The following ARHGAP10 variants were observed in gnomAD, a reference collection of about 807,000 sequenced individuals.
ARHGAP10 encodes the protein Rho GTPase activating protein 10.
In ARHGAP10, 87 loss-of-function variants were observed where a neutral mutation model predicts 108.6. That is an observed-to-expected ratio of 0.80 (90% CI 0.67 to 0.96). The LOEUF is 0.96. Among genes scored for constraint, ARHGAP10 ranks in the 40% least tolerant of loss-of-function variants. The probability of loss-of-function intolerance (pLI) is 0.00; values close to 1 mark genes in which losing one functional copy is unlikely to be tolerated. For synonymous variants in ARHGAP10, 347 were observed against 341.1 expected, an observed-to-expected ratio of 1.02 and a Z score of -0.19; for missense variants, 939 against 954.5, an observed-to-expected ratio of 0.98 and a Z score of 0.21.
chr4:147,748,308 G>T (rs771712801), intron 1 of ARHGAP10, among the ~76,000 whole-genome samples: 4 of 152,198 alleles, frequency 2.6e-5, no homozygotes, highest in Non-Finnish European at 4.4e-5. Flanking sequence ...GTGCCTACCA[G>T]TCGGGTGAAG....
At chr4:147,953,879 AATAT>A (rs1738697496) in intron 15 of ARHGAP10, among the ~76,000 whole-genome samples, 2 of 151,712 alleles carry the variant, frequency 1.3e-5, no homozygotes, top group South Asian at 4.2e-4. Context: ...CTTCTTTTTT[AATAT>A]AGGTGTTTAG....
chr4:147,976,635 T>C (rs1006668897), intron 18 of ARHGAP10, among the ~76,000 whole-genome samples: 22 of 151,822 alleles, frequency 1.4e-4, no homozygotes, highest in African/African-American at 3.9e-4. Flanking sequence ...TCTGTCTTCC[T>C]TTCTCTTTCC....
intron 19 of ARHGAP10, among the ~76,000 whole-genome samples, chr4:148,037,127 G>C (rs1578813245): frequency 6.6e-6 from 1 of 152,152 alleles, no homozygotes; most frequent in Non-Finnish European, 1.5e-5. Context: ...ATAATTATTG[G>C]AGTACTAGTG....
chr4:147,818,799 A>C (rs568012474), intron 1 of ARHGAP10, among the ~76,000 whole-genome samples: 1 of 152,180 alleles, frequency 6.6e-6, no homozygotes, highest in African/African-American at 2.4e-5. Flanking sequence ...TATGAACTGC[A>C]TGGGAAAATA....
intron 10 of ARHGAP10, among the ~76,000 whole-genome samples, chr4:147,903,192 A>G (rs1279926455): frequency 6.6e-6 from 1 of 152,164 alleles, no homozygotes; most frequent in Non-Finnish European, 1.5e-5. Flanking sequence ...CAGCAGGCTC[A>G]TGGCGCCAGT....
At chr4:147,812,956 A>G (rs1489756672) in intron 1 of ARHGAP10, among the ~76,000 whole-genome samples, 3 of 152,220 alleles carry the variant, frequency 2.0e-5, no homozygotes, top group African/African-American at 7.2e-5. Flanking sequence ...AATAAATATT[A>G]GATGGTTATT....
At chr4:147,808,769 C>A (rs898921331) in intron 1 of ARHGAP10, among the ~76,000 whole-genome samples, 8 of 152,170 alleles carry the variant, frequency 5.3e-5, no homozygotes, top group African/African-American at 1.9e-4. Flanking sequence ...TCTGGGCCCC[C>A]TCTGGTTCTG....
intron 13 of ARHGAP10, among the ~76,000 whole-genome samples, chr4:147,935,802 C>T (rs2635256): frequency 1.4e-4 from 22 of 152,122 alleles, no homozygotes; most frequent in Admixed American, 5.9e-4. Context: ...ATTTTACGTG[C>T]GATTTCCAAG....
chr4:147,888,352 AAAAG>A (rs1430381961), intron 10 of ARHGAP10, among the ~76,000 whole-genome samples: 7 of 152,166 alleles, frequency 4.6e-5, no homozygotes, highest in African/African-American at 1.4e-4. Context: ...TGGGGTGTCT[AAAAG>A]GCATTTCAAA....
chr4:147,840,005 T>C (rs1733346928), intron 3 of ARHGAP10, among the ~76,000 whole-genome samples: 1 of 152,200 alleles, frequency 6.6e-6, no homozygotes, highest in African/African-American at 2.4e-5. Context: ...AGCATGGAAA[T>C]GTACTTTGTA....
intron 16 of ARHGAP10, among the ~76,000 whole-genome samples, chr4:147,964,782 A>G (rs1578739094): frequency 2.0e-5 from 3 of 152,170 alleles, no homozygotes; most frequent in Admixed American, 6.5e-5. Context: ...AGGAAAAGGC[A>G]CCGATTGCAG....
chr4:147,755,192 G>A (rs1192185728), intron 1 of ARHGAP10, among the ~76,000 whole-genome samples: 1 of 151,964 alleles, frequency 6.6e-6, no homozygotes, highest in East Asian at 1.9e-4. Flanking sequence ...TGTAACATTT[G>A]AAGTTTTTGT....
intron 19 of ARHGAP10, among the ~76,000 whole-genome samples, chr4:148,042,267 T>C (rs963083040): frequency 1.3e-5 from 2 of 152,222 alleles, no homozygotes; most frequent in Admixed American, 6.5e-5. Context: ...CTAATGACTG[T>C]CATAACTGAA....
chr4:147,897,152 T>A (rs1162614460), intron 10 of ARHGAP10, among the ~76,000 whole-genome samples: 1 of 151,962 alleles, frequency 6.6e-6, no homozygotes, highest in Non-Finnish European at 1.5e-5. Flanking sequence ...TGATTCTTTA[T>A]GTTTAAACTT....
intron 14 of ARHGAP10, among the ~76,000 whole-genome samples, chr4:147,943,618 CTT>C (rs1199767566): frequency 6.6e-6 from 1 of 152,178 alleles, no homozygotes; most frequent in African/African-American, 2.4e-5. Flanking sequence ...AAAGTCAACT[CTT>C]TTTATCTGTG....
chr4:147,848,956 ATT>A (rs1200098679), intron 4 of ARHGAP10, among the ~76,000 whole-genome samples: 2 of 152,152 alleles, frequency 1.3e-5, no homozygotes, highest in Non-Finnish European at 2.9e-5. Context: ...CTGAAGTCCT[ATT>A]TCTGTATCCC....
intron 18 of ARHGAP10, among the ~76,000 whole-genome samples, chr4:147,986,632 C>A (rs1468553488): frequency 6.6e-6 from 1 of 152,172 alleles, no homozygotes; most frequent in Non-Finnish European, 1.5e-5. Context: ...CAGACAGTGT[C>A]AGGCCTCTCT....
At chr4:147,938,952 A>T (rs1049019944) in intron 13 of ARHGAP10, among the ~76,000 whole-genome samples, 1 of 152,194 alleles carries the variant, frequency 6.6e-6, no homozygotes, top group Non-Finnish European at 1.5e-5. Context: ...TCTCATCCAG[A>T]TTCAATAATT....
At chr4:147,837,647 T>TG (rs1733226002) in intron 3 of ARHGAP10, among the ~76,000 whole-genome samples, 3 of 128,052 alleles carry the variant, frequency 2.3e-5, no homozygotes, top group Admixed American at 8.6e-5. Flanking sequence ...GTCACTGTTT[T>TG]TTTTTTTTTT....
Sources: gnomAD v4.1 joint callset for allele counts (sites outside exome capture counted in the v4.1 genomes callset) on GRCh38, gnomAD v4.1.1 for gene constraint, MANE v1.5 for transcripts, NCBI Gene and HGNC (gene_info 2026-07-23, HGNC 2026-07-21) for gene names.